The following RNF111 variants were observed in gnomAD, a reference collection of about 807,000 sequenced individuals.
RNF111 encodes ring finger protein 111.
RNF111 carries 17 observed loss-of-function variants against 95.1 expected under a neutral mutation model. The ratio of observed to expected loss-of-function variants is 0.18; its 90% CI spans 0.12 to 0.27. The LOEUF is 0.27. RNF111 is among the 10% of genes least tolerant of loss of function. RNF111 has a pLI of 1.00. For missense variants in RNF111, 1,189 were observed against 1,210.4 expected (o/e 0.98, Z 0.26); for synonymous variants, 440 against 414.8 (o/e 1.06, Z -0.74).
At chr15:59,030,096 G>A (rs529405310) in intron 1 of RNF111, among the ~76,000 whole-genome samples, 1 of 152,234 alleles carries the variant, frequency 6.6e-6, no homozygotes, top group East Asian at 1.9e-4. Context: ...GAATGATTTA[G>A]ATAGATTAGC....
chr15:59,042,218 C>T (rs1203749063), intron 2 of RNF111, among the ~76,000 whole-genome samples: 3 of 151,996 alleles, frequency 2.0e-5, no homozygotes, highest in Admixed American at 2.0e-4. Flanking sequence ...CCTCAGCCTC[C>T]CACGCTTAAG....
At chr15:59,037,569 G>T (rs1406820863) in intron 2 of RNF111, among the ~76,000 whole-genome samples, 1 of 152,154 alleles carries the variant, frequency 6.6e-6, no homozygotes, top group African/African-American at 2.4e-5. Flanking sequence ...GGGCGTGGTG[G>T]CTCACACCTG....
chr15:59,021,859 GCTT>G (rs1372001236), intron 1 of RNF111, among the ~76,000 whole-genome samples: 1 of 151,592 alleles, frequency 6.6e-6, no homozygotes, highest in African/African-American at 2.4e-5. Context: ...ATTTTTTCTA[GCTT>G]CTTATAAATT....
rs73418837 is a variant in RNF111, at chr15:59,083,115, C to G, written c.2298-1014C>G. ...ACTGAGCTATGATTGTGCCACTGCA[C>G]TTGATCCTGGAGCAAGATTCTGCCG... On this transcript the variant is annotated intron_variant, in intron 8 of 13. Coordinates refer to ENST00000348370, the MANE Select transcript of RNF111 (RefSeq NM_017610.8). 4.2e-3 allele frequency among the ~76,000 whole-genome samples: 637 copies of G among 151,054 alleles called. 5 individuals are homozygous for G. The highest frequency in any genetic ancestry group is 0.015 in the African/African-American group (615 of 40,970).
At chr15:59,037,882 A>C (rs2041260547) in intron 2 of RNF111, among the ~76,000 whole-genome samples, 1 of 152,190 alleles carries the variant, frequency 6.6e-6, no homozygotes, top group Admixed American at 6.6e-5. Context: ...TCAGTCTTCA[A>C]GGAAACGTAA....
intron 8 of RNF111, 62 bp from the exon 9 acceptor site, chr15:59,084,067 A>G: frequency 6.8e-7 from 1 of 1,463,612 alleles, no homozygotes; most frequent in South Asian, 1.6e-5. Flanking sequence ...TTCTACATTA[A>G]GAAAAGAAAT....
chr15:59,027,593 A>G (rs1210807438), intron 1 of RNF111, among the ~76,000 whole-genome samples: 6 of 151,904 alleles, frequency 3.9e-5, no homozygotes, highest in African/African-American at 1.5e-4. Context: ...CAATGGCGCA[A>G]TCTCGGCTCA....
intron 2 of RNF111, among the ~76,000 whole-genome samples, chr15:59,038,988 G>A (rs779004379): frequency 9.9e-5 from 15 of 152,220 alleles, no homozygotes; most frequent in South Asian, 6.2e-4. Context: ...TTTTGAGATG[G>A]AGTTTCACTT....
At chr15:59,050,827 G>A (rs1281584115) in intron 2 of RNF111, among the ~76,000 whole-genome samples, 1 of 152,060 alleles carries the variant, frequency 6.6e-6, no homozygotes, top group Admixed American at 6.5e-5. Context: ...CATACAATAC[G>A]TTATTGCTAA....
At chr15:59,037,750 G>A (rs555713774) in intron 2 of RNF111, among the ~76,000 whole-genome samples, 1 of 152,140 alleles carries the variant, frequency 6.6e-6, no homozygotes, top group South Asian at 2.1e-4. Flanking sequence ...GCAGGAGAAT[G>A]GCTTGAACCT....
chr15:59,071,573 G>A (rs970583124), intron 6 of RNF111, among the ~76,000 whole-genome samples: 7 of 151,362 alleles, frequency 4.6e-5, no homozygotes, highest in Admixed American at 2.6e-4. Flanking sequence ...CGTGCCTTTA[G>A]TTCTAGCTTC....
intron 2 of RNF111, among the ~76,000 whole-genome samples, chr15:59,043,382 C>T (rs1358388920): frequency 6.6e-6 from 1 of 152,096 alleles, no homozygotes; most frequent in African/African-American, 2.4e-5. Context: ...GTCTTGAACT[C>T]CTGACCTCAG....
intron 8 of RNF111, 85 bp downstream of exon 8, chr15:59,081,369 G>GA: frequency 5.3e-6 from 6 of 1,125,874 alleles, no homozygotes; most frequent in Non-Finnish European, 7.6e-6. Flanking sequence ...ATCCAACTAG[G>GA]CATGGTGGCA....
In RNF111 at chr15:59,096,013, C is replaced by G. The variant is rs2079171435; in HGVS notation, c.*1113C>G. ...CTTGAAAACAGTAAATCTGCAGATACTGTGAGGCACAAATTATACTGTCAA... is the reference window on the plus strand; with the variant it reads ...CTTGAAAACAGTAAATCTGCAGATAGTGTGAGGCACAAATTATACTGTCAA... On this transcript the variant is annotated 3_prime_UTR_variant, in exon 14 of 14. Coordinates refer to ENST00000348370, the MANE Select transcript of RNF111 (RefSeq NM_017610.8). 2 of 398,488 alleles carry G rather than the reference C, an allele frequency of 5.0e-6. No individual in the cohort carries two copies. The highest frequency in any genetic ancestry group is 8.9e-6 in the Non-Finnish European group (2 of 225,838). The allele number at this position is 398,488 out of a possible 1,614,324, so 24.7% of individuals were successfully genotyped here.
At position 58,987,876 on chromosome 15, in the gene RNF111, A is replaced by C. The variant is rs1484622508; in HGVS notation, c.-212A>C. On this transcript the variant is annotated 5_prime_UTR_variant, in exon 1 of 14. Coordinates refer to ENST00000348370, the MANE Select transcript of RNF111 (RefSeq NM_017610.8). ...ACGCCGGCTTAGCTGGGCCGAGTCC[A>C]GGCGCTGCCGCACGTACAGTTTTGG... 6.5e-6 allele frequency: 1 copy of C among 153,532 alleles called. No individual in the cohort carries two copies. Among genetic ancestry groups the C allele is most frequent in the Non-Finnish European group, 1.5e-5 (1 of 68,646 alleles). 9.5% of individuals were successfully genotyped at this position (153,532 alleles called of 1,614,324 possible).
intron 2 of RNF111, among the ~76,000 whole-genome samples, chr15:59,043,126 AATTC>A (rs1308599502): frequency 1.3e-5 from 2 of 151,954 alleles, no homozygotes; most frequent in South Asian, 2.1e-4. Context: ...ACTATTATAA[AATTC>A]ATTCATTTAA....
At chr15:59,047,657 C>T (rs116343303) in intron 2 of RNF111, among the ~76,000 whole-genome samples, 3,413 of 152,142 alleles carry the variant, frequency 0.022, 47 homozygotes, top group African/African-American at 0.037. Flanking sequence ...CTCACTGCAA[C>T]GTGCGTCTCC....
chr15:59,017,414 C>T (rs1454146464), intron 1 of RNF111, among the ~76,000 whole-genome samples: 7 of 152,086 alleles, frequency 4.6e-5, no homozygotes, highest in African/African-American at 1.2e-4. Flanking sequence ...GAGCTTATTT[C>T]GAAATATGGT....
rs192524469 is a variant in RNF111, at chr15:59,051,539, G to C, written c.881-766G>C. Among the ~76,000 whole-genome samples, 568 of 152,098 alleles carry C rather than the reference G, an allele frequency of 3.7e-3. 4 individuals are homozygous for C. Among genetic ancestry groups the C allele is most frequent in the African/African-American group, 0.013 (543 of 41,514 alleles). On this transcript the variant is annotated intron_variant, in intron 2 of 13. Coordinates refer to ENST00000348370, the MANE Select transcript of RNF111 (RefSeq NM_017610.8). ...GCCTATAATCCCAGCACTTTGGGAG[G>C]CTGAGGGAGCCAGATCACTTAAGGT... is the stretch of plus-strand genomic sequence containing the variant.
Sources: allele counts gnomAD v4.1 joint callset (sites outside exome capture counted in the v4.1 genomes callset), GRCh38; gene constraint gnomAD v4.1.1; transcripts MANE v1.5; gene names NCBI Gene and HGNC (gene_info 2026-07-23, HGNC 2026-07-21).